MAMSTR: variants seen among roughly 807,000 people sequenced by gnomAD.
MAMSTR encodes MEF2-activating motif and SAP domain-containing transcriptional regulator.
In MAMSTR, 41 loss-of-function variants were observed where a neutral mutation model predicts 42.7. The ratio of observed to expected loss-of-function variants is 0.96; its 90% confidence interval spans 0.75 to 1.25. The LOEUF is 1.25. MAMSTR is among the 50% of genes most tolerant of loss of function. The probability of loss-of-function intolerance (pLI) is 0.00; values close to 1 mark genes in which losing one functional copy is unlikely to be tolerated. For missense variants in MAMSTR, 567 were observed against 557.6 expected (o/e 1.02, Z -0.17); for synonymous variants, 265 against 244.1 (o/e 1.09, Z -0.80).
chr19:48,708,037 C>G (rs527802969), downstream of MAMSTR, among the ~76,000 whole-genome samples: 3 of 151,970 alleles, frequency 2.0e-5, no homozygotes, highest in South Asian at 6.2e-4. Flanking sequence ...GAGTTCAAGA[C>G]CAGCCTGACC....
the MAMSTR span, chr19:48,705,831 T>C: frequency 1.2e-5 from 2 of 166,096 alleles, no homozygotes; most frequent in Non-Finnish European, 2.9e-5. Flanking sequence ...AGTTAGGGAA[T>C]ATAGTGCACC....
chr19:48,706,011 G>C, the MAMSTR span: 1 of 152,500 alleles, frequency 6.6e-6, no homozygotes, highest in Non-Finnish European at 1.5e-5. Flanking sequence ...ATACATCTTA[G>C]GCCAGGCATG....
rs2122288270 is a variant in MAMSTR, at chr19:48,713,965, G to C, written c.804C>G (p.Pro268=). 6.2e-7 allele frequency: 1 copy of C among 1,613,354 alleles called. No individual in the cohort carries two copies. The highest frequency in any genetic ancestry group is 8.5e-7 in the Non-Finnish European group (1 of 1,179,742). ...CTGGAGCTGCAGCAGGAGCCGGAGT[G>C]GGAGTTGGAGCCGGAGCCGTCCCCG... ...DTPGTAPAPT[P]TPAPAAAPAL... is the part of the protein sequence containing the mutation. Residue 268 remains proline (P), a synonymous_variant, in exon 8 of 10, where the codon CCC becomes CCG. Transcript: ENST00000318083.
rs748678580 is a variant in MAMSTR at position 48,715,324 on chromosome 19, G to A, written c.363C>T (p.Ser121=). ...GSRADPQAEG[S]ALGPPGPSLW... ...GAGATGGCCCAGGAGGACCCAGGGC[G>A]GACCCCTCGGCTTGGGGGTCCGCCC... The change falls in exon 5 of 10, where the codon TCC becomes TCT. Residue 121 remains serine (S), a synonymous_variant. Coordinates refer to ENST00000318083, the MANE Select transcript of MAMSTR (RefSeq NM_001130915.2). 1.1e-5 allele frequency: 18 copies of A among 1,585,872 alleles called. No individual in the cohort carries two copies. Among genetic ancestry groups the A allele is most frequent in the South Asian group, 4.6e-5 (4 of 86,286 alleles).
intron 2 of MAMSTR, chr19:48,717,108 C>T (rs2033074243): frequency 2.8e-6 from 1 of 358,036 alleles, no homozygotes. Context: ...TCCCTTTATC[C>T]ATGCACTCCT....
rs1601247602 is a variant in MAMSTR, at chr19:48,713,987, C to G, written c.782G>C (p.Gly261Ala). The G allele has an allele frequency of 1.9e-6, 3 of 1,612,300 alleles. No homozygotes were observed. The highest frequency in any genetic ancestry group is 2.5e-6 in the Non-Finnish European group (3 of 1,179,434). The change falls in exon 8 of 10, where the codon GGG (glycine) becomes GCG (alanine). Residue 261 changes from glycine (G) to alanine (A), a missense_variant. Coordinates refer to ENST00000318083, the MANE Select transcript of MAMSTR (RefSeq NM_001130915.2). ...PPLPRAADTP[G>A]TAPAPTPTPA... Reference sequence around the variant, plus strand: ...AGTGGGAGTTGGAGCCGGAGCCGTCCCCGGGGTATCCGCGGCACGTGGAAG... The same window carrying G: ...AGTGGGAGTTGGAGCCGGAGCCGTCGCCGGGGTATCCGCGGCACGTGGAAG...
At position 48,714,272 on chromosome 19, in the gene MAMSTR, C is replaced by A. The variant is rs552811417; in HGVS notation, c.723+94G>T. 5.4e-4 allele frequency: 610 copies of A among 1,122,422 alleles called. 3 individuals carry two copies. In the African/African-American group the frequency reaches 8.1e-3, roughly 15 times the overall value. The allele number at this position is 1,122,422 out of a possible 1,614,324, so 69.5% of individuals were successfully genotyped here. ...CAAGGCTTCCTACCGCTGGTCCTCG[C>A]CCCCACACTTCATTGGCTAGTTTTT... On this transcript the variant is annotated intron_variant, in intron 7 of 9. Coordinates refer to ENST00000318083, the MANE Select transcript of MAMSTR (RefSeq NM_001130915.2).
downstream of MAMSTR, among the ~76,000 whole-genome samples, chr19:48,711,823 G>T (rs187230130): frequency 4.0e-3 from 549 of 137,704 alleles, 6 homozygotes; most frequent in African/African-American, 0.013. Flanking sequence ...TCAGATCACT[G>T]CAAGCTCCGC....
chr19:48,711,427 G>A (rs2032722988), downstream of MAMSTR, among the ~76,000 whole-genome samples: 1 of 152,212 alleles, frequency 6.6e-6, no homozygotes, highest in African/African-American at 2.4e-5. Context: ...GCCCTGAGAT[G>A]ACTGCAGCTC....
At chr19:48,712,401 A>C (rs1601243685), downstream of MAMSTR, among the ~76,000 whole-genome samples, 1 of 149,520 alleles carries the variant, frequency 6.7e-6, no homozygotes, top group Non-Finnish European at 1.5e-5. Flanking sequence ...TCTCCTGGGA[A>C]CATTTCTTTC....
chr19:48,712,465 A>G (rs1342257989), downstream of MAMSTR, among the ~76,000 whole-genome samples: 1 of 147,622 alleles, frequency 6.8e-6, no homozygotes, highest in Admixed American at 6.8e-5. Context: ...CCTGTTGCCC[A>G]GGCTGGAGTG....
At position 48,714,871 on chromosome 19, in the gene MAMSTR, C is replaced by G. The variant is rs560528475; in HGVS notation, c.463G>C (p.Val155Leu). 1.2e-6 allele frequency: 2 copies of G among 1,611,814 alleles called. No homozygotes were observed. The highest frequency in any genetic ancestry group is 4.5e-5 in the East Asian group (2 of 44,800). Residue 155 changes from valine to leucine, a missense_variant, in exon 6 of 10, where the codon GTC becomes CTC. Coordinates refer to ENST00000318083, the MANE Select transcript of MAMSTR (RefSeq NM_001130915.2). The part of the protein sequence containing the change: ...PSPLTPCPPG[V>L]PSPSPPPHKL... Reference sequence around the variant, plus strand: ...TGTGGGGGGGGCGAGGGGCTAGGGACTCCTGGTGGGCAGGGAGTGAGGGGA... The same window carrying G: ...TGTGGGGGGGGCGAGGGGCTAGGGAGTCCTGGTGGGCAGGGAGTGAGGGGA...
intron 3 of MAMSTR, among the ~76,000 whole-genome samples, chr19:48,716,374 CAAAAAAAAAAA>C (rs35058019): frequency 1.5e-5 from 1 of 65,002 alleles, no homozygotes; most frequent in Non-Finnish European, 2.7e-5. Flanking sequence ...GATTCCATCT[CAAAAAAAAAAA>C]AAAAAAAAAA....
chr19:48,714,017 G>A lies in MAMSTR; in HGVS notation c.752C>T (p.Pro251Leu). 1 of 1,605,112 alleles carries A rather than the reference G, an allele frequency of 6.2e-7. No individual in the cohort carries two copies. Among genetic ancestry groups the A allele is most frequent in the Non-Finnish European group, 8.5e-7 (1 of 1,176,196 alleles). ...SVKPSAASHRPPLPRAADTPG... is the reference protein window; with the variant it reads ...SVKPSAASHRLPLPRAADTPG... ...GGTATCCGCGGCACGTGGAAGAGGTGGCCTGTGAGATGCTGCGCTGGGCTT... is the reference window on the plus strand; with the variant it reads ...GGTATCCGCGGCACGTGGAAGAGGTAGCCTGTGAGATGCTGCGCTGGGCTT... Residue 251 changes from proline (P) to leucine (L), a missense_variant, in exon 8 of 10, where the codon CCA (proline) becomes CTA (leucine). Physicochemically the swap from Pro to Leu is moderately conservative, Grantham distance 98. Coordinates refer to ENST00000318083, the MANE Select transcript of MAMSTR (RefSeq NM_001130915.2).
intron 3 of MAMSTR, chr19:48,716,056 G>A (rs1044362876): frequency 5.7e-6 from 5 of 880,076 alleles, no homozygotes; most frequent in South Asian, 4.8e-5. Context: ...CTGCACTCCT[G>A]GTTCTTGGGG....
rs751412553 is a variant in MAMSTR, at chr19:48,713,370, C to T, written c.1145G>A (p.Gly382Asp). The T allele has an allele frequency of 1.2e-6, 2 of 1,610,198 alleles. No homozygotes were observed. The highest frequency in any genetic ancestry group is 3.4e-5 in the Admixed American group (2 of 58,398). ...SLDWLEALSGGPPLGSGPPPP... is the reference protein window; with the variant it reads ...SLDWLEALSGDPPLGSGPPPP... ...TGGGGGACCAGAACCCAGAGGAGGA[C>T]CCCCGCTCAGGGCCTCCAGCCAGTC... is the stretch of plus-strand genomic sequence containing the variant. The change falls in exon 10 of 10, where the codon GGT becomes GAT. Residue 382 changes from glycine (G) to aspartate (D), a missense_variant. Coordinates refer to ENST00000318083, the MANE Select transcript of MAMSTR (RefSeq NM_001130915.2).
rs891177874 is a variant in MAMSTR, at chr19:48,719,348, C to T, written c.-21-296G>A. Among the ~76,000 whole-genome samples the T allele has an allele frequency of 1.3e-5, 2 of 152,072 alleles. No individual in the cohort carries two copies. Among genetic ancestry groups the T allele is most frequent in the Admixed American group, 1.3e-4 (2 of 15,272 alleles). ...GGGAGGGACCTGGAATCTGGGACTCCTGGGTCCTGAGGAGGAAGGGTTGCG... is the reference window on the plus strand; with the variant it reads ...GGGAGGGACCTGGAATCTGGGACTCTTGGGTCCTGAGGAGGAAGGGTTGCG... On this transcript the variant is annotated intron_variant, in intron 1 of 9. Coordinates refer to ENST00000318083, the MANE Select transcript of MAMSTR (RefSeq NM_001130915.2). This position sits in a 1 kb window ranked among gnomAD's most constrained non-coding sequence, Gnocchi z 4.4.
intron 2 of MAMSTR, among the ~76,000 whole-genome samples, chr19:48,718,491 G>T (rs1206201489): frequency 6.7e-6 from 1 of 148,634 alleles, no homozygotes; most frequent in South Asian, 2.1e-4. Flanking sequence ...GGGTTCAAGC[G>T]ATTCTCCCGC....
the MAMSTR span, chr19:48,705,832 A>G: frequency 6.0e-6 from 1 of 166,088 alleles, no homozygotes; most frequent in Non-Finnish European, 1.5e-5. Flanking sequence ...GTTAGGGAAT[A>G]TAGTGCACCG....
Sources: gnomAD v4.1 joint callset for allele counts (sites outside exome capture counted in the v4.1 genomes callset) on GRCh38, gnomAD v4.1.1 for gene constraint, Gnocchi (gnomAD v3.1) non-coding constraint, MANE v1.5 for transcripts, NCBI Gene and HGNC (gene_info 2026-07-23, HGNC 2026-07-21) for gene names.